The following MZT2B variants were observed in gnomAD, a reference collection of about 807,000 sequenced individuals.
MZT2B encodes mitotic spindle organizing protein 2B.
A neutral mutation model predicts 12.1 loss-of-function variants in MZT2B; 11 were observed. The ratio of observed to expected loss-of-function variants is 0.91; its 90% CI spans 0.57 to 1.50. MZT2B has a LOEUF of 1.50. Ranked by LOEUF, MZT2B falls within the 40% of genes most tolerant of loss-of-function variation. MZT2B has a pLI of 0.00. For synonymous variants in MZT2B, 85 were observed against 109.5 expected (o/e 0.78, Z 1.40); for missense variants, 209 against 227.7 (o/e 0.92, Z 0.53).
At chr2:130,188,962 G>C (rs1233173049) in intron 2 of MZT2B, among the ~76,000 whole-genome samples, 1 of 152,034 alleles carries the variant, frequency 6.6e-6, no homozygotes, top group Non-Finnish European at 1.5e-5. Context: ...TTGATAAGAG[G>C]CCAGGGAAGG....
the MZT2B span, among the ~76,000 whole-genome samples, chr2:130,197,760 C>A: frequency 8.1e-6 from 1 of 122,940 alleles, no homozygotes; most frequent in Non-Finnish European, 1.8e-5. Flanking sequence ...ACTCGCATCA[C>A]CATGCCCGGG....
chr2:130,182,290 C>T lies in MZT2B; in HGVS notation c.8C>T (p.Ala3Val), dbSNP rs756951425. Residue 3 changes from alanine (A) to valine (V), a missense_variant, in exon 1 of 3, where the codon GCG becomes GTG. Ala to Val is a moderately conservative substitution (Grantham distance 64). Transcript: ENST00000281871. ...TTTCCGCGGGCCGCGGGGATGGCGG[C>T]GCAGGGCGTAGGGCCTGGGCCGGGG... MA[A>V]QGVGPGPGSA... is the part of the protein sequence containing the mutation. 2.6e-5 allele frequency: 36 copies of T among 1,359,480 alleles called. No individual in the cohort carries two copies. The highest frequency in any genetic ancestry group is 3.0e-5 in the Non-Finnish European group (32 of 1,066,076). 84.2% of individuals were successfully genotyped at this position (1,359,480 alleles called of 1,614,324 possible).
At chr2:130,191,365 TA>T (rs145725761), downstream of MZT2B, among the ~76,000 whole-genome samples, 6,592 of 150,970 alleles carry the variant, frequency 0.044, 469 homozygotes, top group African/African-American at 0.15. Context: ...TTTCCCCCTC[TA>T]AAATGTCCTG....
At chr2:130,191,558 C>T (rs1173478915), downstream of MZT2B, among the ~76,000 whole-genome samples, 4 of 152,180 alleles carry the variant, frequency 2.6e-5, no homozygotes, top group Non-Finnish European at 2.9e-5. Flanking sequence ...ATACATTGAA[C>T]GCCTGGCTTT....
At chr2:130,189,932 G>T (rs149699858) in intron 2 of MZT2B, among the ~76,000 whole-genome samples, 1 of 152,188 alleles carries the variant, frequency 6.6e-6, no homozygotes, top group African/African-American at 2.4e-5. Context: ...GAACACTCGG[G>T]TAGGTAGGAA....
intron 2 of MZT2B, chr2:130,183,469 TGA>T: frequency 2.1e-6 from 1 of 469,636 alleles, no homozygotes; most frequent in Non-Finnish European, 4.0e-6. Context: ...ATTCTGGGAC[TGA>T]GAGTGTCATG....
intron 2 of MZT2B, chr2:130,184,637 T>G: frequency 1.0e-6 from 1 of 985,224 alleles, no homozygotes; most frequent in Non-Finnish European, 1.2e-6. Flanking sequence ...GGAGAGGGGC[T>G]GAGGGACAGG....
At chr2:130,185,904 G>A (rs1690042641) in intron 2 of MZT2B, among the ~76,000 whole-genome samples, 1 of 152,272 alleles carries the variant, frequency 6.6e-6, no homozygotes, top group Admixed American at 6.5e-5. Flanking sequence ...TGTAGGCTGG[G>A]TGGCAGAAAG....
At chr2:130,192,827 G>A (rs1690298642), downstream of MZT2B, among the ~76,000 whole-genome samples, 1 of 152,200 alleles carries the variant, frequency 6.6e-6, no homozygotes, top group Non-Finnish European at 1.5e-5. Flanking sequence ...CAGGTGTGGT[G>A]GCTCAAGCCT....
rs1690219378 is a variant in MZT2B at position 130,190,393 on chromosome 2, A to G, written c.320-76A>G. 3 of 1,583,448 alleles carry G rather than the reference A, an allele frequency of 1.9e-6. No homozygotes were observed. The South Asian group carries it at 3.4e-5, about 18-fold the overall frequency. The stretch of plus-strand genomic sequence containing the variant: ...AAATGTGCAGACACAAATGTTGCCC[A>G]AGGACCACGAGTACAGCAGGTGCTG... On this transcript the variant is annotated intron_variant, in intron 2 of 2. Transcript: ENST00000281871.
downstream of MZT2B, among the ~76,000 whole-genome samples, chr2:130,193,329 C>G (rs1391005535): frequency 1.3e-5 from 2 of 152,028 alleles, no homozygotes; most frequent in African/African-American, 4.8e-5. Context: ...CATCACTGAC[C>G]TGGGCGCAGT....
At chr2:130,181,707 CG>C (rs1558771975), upstream of MZT2B, 1 of 1,548,298 alleles carries the variant, frequency 6.5e-7, no homozygotes. Context: ...GCCGGCCGGG[CG>C]GGGAAGAGAA....
At chr2:130,185,227 C>T (rs1338474428) in intron 2 of MZT2B, among the ~76,000 whole-genome samples, 30 of 150,900 alleles carry the variant, frequency 2.0e-4, no homozygotes, top group Non-Finnish European at 3.4e-4. Flanking sequence ...AGAAGAATGG[C>T]GTGAACTTGG....
At chr2:130,196,380 C>A in the MZT2B span, 17 of 1,610,722 alleles carry the variant, frequency 1.1e-5, no homozygotes, top group African/African-American at 6.7e-5. Context: ...CGCTGTGAAC[C>A]GGAACATAAA....
chr2:130,196,358 G>C, the MZT2B span: 3 of 1,613,396 alleles, frequency 1.9e-6, no homozygotes, highest in South Asian at 3.3e-5. Flanking sequence ...CACGTGGATA[G>C]AGATACACTC....
chr2:130,189,545 G>A (rs566932307), intron 2 of MZT2B, among the ~76,000 whole-genome samples: 17 of 152,248 alleles, frequency 1.1e-4, no homozygotes, highest in African/African-American at 2.9e-4. Flanking sequence ...GCCAGACCCT[G>A]CCAGGCCAGA....
chr2:130,185,175 G>A (rs1690009917), intron 2 of MZT2B, among the ~76,000 whole-genome samples: 1 of 152,180 alleles, frequency 6.6e-6, no homozygotes, highest in Admixed American at 6.5e-5. Flanking sequence ...GCTGGGCGTG[G>A]TGGCAGGTGC....
At chr2:130,182,946 C>T (rs1689833465) in intron 2 of MZT2B, 171 bp downstream of exon 2, 1 of 826,038 alleles carries the variant, frequency 1.2e-6, no homozygotes, top group Non-Finnish European at 1.8e-6. Flanking sequence ...CGCTGCCAGC[C>T]TTAGGAGGCA....
the MZT2B span, chr2:130,202,204 C>T: frequency 1.2e-6 from 1 of 862,060 alleles, no homozygotes; most frequent in East Asian, 6.6e-5. Flanking sequence ...GTATACAGCA[C>T]TAAAAAAAAC....
Sources: gnomAD v4.1 joint callset for allele counts (sites outside exome capture counted in the v4.1 genomes callset) on GRCh38, gnomAD v4.1.1 for gene constraint, MANE v1.5 for transcripts, NCBI Gene and HGNC (gene_info 2026-07-23, HGNC 2026-07-21) for gene names.